The following IQSEC1 variants were observed in gnomAD, a reference collection of about 807,000 sequenced individuals.
IQSEC1 encodes the protein IQ motif and SEC7 domain-containing protein 1.
In IQSEC1, 31 loss-of-function variants were observed where a neutral mutation model predicts 91.0. The observed-to-expected ratio is 0.34, with a 90% confidence interval of 0.26 to 0.46. The LOEUF (loss-of-function observed/expected upper bound fraction) is 0.46. Ranked by LOEUF, IQSEC1 falls within the 20% of genes least tolerant of loss-of-function variation. IQSEC1 has a pLI of 1.00. For synonymous variants in IQSEC1, 699 were observed against 662.6 expected, an observed-to-expected ratio of 1.05 and a Z score of -0.84; for missense variants, 1,388 against 1,575.6, an observed-to-expected ratio of 0.88 and a Z score of 2.02.
intron 1 of IQSEC1, among the ~76,000 whole-genome samples, chr3:12,973,434 C>G (rs1701003864): frequency 6.6e-6 from 1 of 152,186 alleles, no homozygotes; most frequent in African/African-American, 2.4e-5. Context: ...GAGCAAGAAC[C>G]CCTTACTTAA....
intron 1 of IQSEC1, among the ~76,000 whole-genome samples, chr3:13,269,710 G>A (rs1002411724): frequency 6.6e-6 from 1 of 152,238 alleles, no homozygotes; most frequent in Non-Finnish European, 1.5e-5. Flanking sequence ...AGGGGAGCGA[G>A]GCCCACCTGT....
chr3:12,940,544 C>T lies in IQSEC1; in HGVS notation c.318+1027G>A, dbSNP rs1335735480. The stretch of plus-strand genomic sequence containing the variant: ...TTCTGCAGCATGGAGTCTGGGAAGA[C>T]GGGAAAGGGCCCTGGGGCCAGCAGG... On this transcript the variant is annotated intron_variant, in intron 2 of 13. Coordinates refer to ENST00000613206, the MANE Select transcript of IQSEC1 (RefSeq NM_001134382.3). This position sits in a 1 kb window ranked among gnomAD's most constrained non-coding sequence, Gnocchi z 4.4. 6.6e-6 allele frequency among the ~76,000 whole-genome samples: 1 copy of T among 151,834 alleles called. No individual in the cohort carries two copies. The highest frequency in any genetic ancestry group is 2.4e-5 in the African/African-American group (1 of 41,322).
chr3:12,909,388 A>G lies in IQSEC1; in HGVS notation c.2463T>C (p.Asp821=). The G allele has an allele frequency of 6.2e-7, 1 of 1,614,188 alleles. No homozygotes were observed. Among genetic ancestry groups the G allele is most frequent in the Admixed American group, 1.7e-5 (1 of 60,030 alleles). Residue 821 remains aspartate, a synonymous_variant, in exon 11 of 14, where the codon GAT becomes GAC. Coordinates refer to ENST00000613206, the MANE Select transcript of IQSEC1 (RefSeq NM_001134382.3). This position sits in a 1 kb window ranked among gnomAD's most constrained non-coding sequence, Gnocchi z 4.9. ...IRLTSSVPGA[D]IKVLINFNAP... is the part of the protein sequence containing the mutation. Reference sequence around the variant, plus strand: ...CGTTGAAGTTTATTAACACTTTGATATCTGCTCCGGGGACAGACGAGGTGA... The same window carrying G: ...CGTTGAAGTTTATTAACACTTTGATGTCTGCTCCGGGGACAGACGAGGTGA...
At chr3:13,004,270 A>G (rs976495802) in intron 1 of IQSEC1, among the ~76,000 whole-genome samples, 2 of 152,232 alleles carry the variant, frequency 1.3e-5, no homozygotes, top group South Asian at 2.1e-4. Context: ...TATATGCCAT[A>G]GCTTGCATTC....
At chr3:13,051,556 A>G (rs1042464557) in intron 1 of IQSEC1, among the ~76,000 whole-genome samples, 1 of 152,184 alleles carries the variant, frequency 6.6e-6, no homozygotes, top group Non-Finnish European at 1.5e-5. Flanking sequence ...TGGCAATTCT[A>G]CAAGCCATAC....
chr3:13,221,881 C>T (rs1414309424), intron 1 of IQSEC1, among the ~76,000 whole-genome samples: 1 of 152,200 alleles, frequency 6.6e-6, no homozygotes, highest in African/African-American at 2.4e-5. Flanking sequence ...TAGTGTGCTC[C>T]GAAAATGAGC....
chr3:13,265,289 G>A (rs1695468643), intron 1 of IQSEC1, among the ~76,000 whole-genome samples: 1 of 146,682 alleles, frequency 6.8e-6, no homozygotes, highest in Non-Finnish European at 1.5e-5. Context: ...CCAGCCCTCG[G>A]CAGAGCCTCT....
At chr3:13,209,083 AG>A (rs1252194141) in intron 1 of IQSEC1, among the ~76,000 whole-genome samples, 1 of 152,236 alleles carries the variant, frequency 6.6e-6, no homozygotes, top group African/African-American at 2.4e-5. Context: ...TTGTCATCAC[AG>A]GGATGGCTGT....
At chr3:13,072,559 G>A (rs1191830015) in intron 1 of IQSEC1, among the ~76,000 whole-genome samples, 2 of 152,228 alleles carry the variant, frequency 1.3e-5, no homozygotes, top group Non-Finnish European at 2.9e-5. Context: ...CTTGGAGGAC[G>A]CAGCATCCTG....
chr3:13,277,162 GA>G (rs1483353462), intron 1 of IQSEC1, among the ~76,000 whole-genome samples: 1 of 135,008 alleles, frequency 7.4e-6, no homozygotes, highest in African/African-American at 3.0e-5. Context: ...CAAAAGACCG[GA>G]TCAGCTGTCA....
At chr3:13,061,236 G>C (rs961173672) in intron 1 of IQSEC1, among the ~76,000 whole-genome samples, 1 of 152,176 alleles carries the variant, frequency 6.6e-6, no homozygotes, top group African/African-American at 2.4e-5. Flanking sequence ...GGGCATGACT[G>C]CCTCTCTTCA....
chr3:12,978,840 G>C (rs1158057779), intron 1 of IQSEC1, among the ~76,000 whole-genome samples: 13 of 152,238 alleles, frequency 8.5e-5, no homozygotes, highest in Admixed American at 8.5e-4. Context: ...TTCAGGGAAG[G>C]CTTCCTGTAG....
intron 1 of IQSEC1, among the ~76,000 whole-genome samples, chr3:13,004,765 A>AG (rs898585861): frequency 2.6e-5 from 4 of 152,032 alleles, no homozygotes; most frequent in African/African-American, 9.7e-5. Flanking sequence ...AGCATTATCA[A>AG]GGGGGGAGGC....
At chr3:12,943,136 G>C (rs1698911122) in intron 1 of IQSEC1, among the ~76,000 whole-genome samples, 1 of 152,214 alleles carries the variant, frequency 6.6e-6, no homozygotes. Flanking sequence ...AGGCCTACAG[G>C]GGGTGCCAGG....
intron 1 of IQSEC1, chr3:13,053,031 G>GT: frequency 2.6e-6 from 3 of 1,145,000 alleles, no homozygotes; most frequent in Middle Eastern, 2.8e-4. Context: ...TTTATTACCA[G>GT]TTTTCATCCG....
chr3:13,055,004 A>G (rs936387399), intron 1 of IQSEC1, among the ~76,000 whole-genome samples: 1 of 152,250 alleles, frequency 6.6e-6, no homozygotes, highest in Non-Finnish European at 1.5e-5. Context: ...TGTCCTGCCC[A>G]GGCCTCCCAA....
chr3:13,265,056 G>A (rs1695464507), intron 1 of IQSEC1, among the ~76,000 whole-genome samples: 1 of 152,192 alleles, frequency 6.6e-6, no homozygotes, highest in South Asian at 2.1e-4. Flanking sequence ...GGAAAGCAGA[G>A]GAGCACCATT....
chr3:13,199,925 C>A (rs535931879), intron 1 of IQSEC1, among the ~76,000 whole-genome samples: 2 of 149,150 alleles, frequency 1.3e-5, no homozygotes, highest in African/African-American at 5.0e-5. Flanking sequence ...CCACACACCA[C>A]GCACGTCACA....
At chr3:12,954,041 G>C (rs1401637553) in intron 1 of IQSEC1, among the ~76,000 whole-genome samples, 3 of 152,212 alleles carry the variant, frequency 2.0e-5, no homozygotes, top group African/African-American at 4.8e-5. Context: ...AGAAAGAAAG[G>C]TCTCCGTGTC....
Sources: allele counts gnomAD v4.1 joint callset (sites outside exome capture counted in the v4.1 genomes callset), GRCh38; gene constraint gnomAD v4.1.1; non-coding constraint Gnocchi (gnomAD v3.1); transcripts MANE v1.5; gene names NCBI Gene and HGNC (gene_info 2026-07-23, HGNC 2026-07-21).